PCDH11X: variants seen among roughly 807,000 people sequenced by gnomAD.
PCDH11X encodes protocadherin 11 X-linked.
Under a neutral mutation model 53.3 loss-of-function variants are expected in PCDH11X, and 18 were observed. That is an observed-to-expected ratio of 0.34 (90% confidence interval 0.23 to 0.50). PCDH11X has a LOEUF of 0.50. Among genes scored for constraint, PCDH11X ranks in the 20% least tolerant of loss-of-function variants. PCDH11X has a pLI of 0.98. For missense variants in PCDH11X, 570 were observed against 1,032.4 expected (o/e 0.55, Z 6.14); for synonymous variants, 279 against 393.3 (o/e 0.71, Z 3.44).
chrX:91,793,343 A>G (rs1935622672), intron 1 of PCDH11X, among the ~76,000 whole-genome samples: 2 of 108,776 alleles, frequency 1.8e-5, no homozygotes, highest in Admixed American at 2.0e-4. Flanking sequence ...TTAAGGATAT[A>G]TATTAAATAA....
At chrX:92,282,356 A>G (rs1200128955) in intron 8 of PCDH11X, among the ~76,000 whole-genome samples, 1 of 111,672 alleles carries the variant, frequency 9.0e-6, no homozygotes, top group Non-Finnish European at 1.9e-5. Flanking sequence ...CATAGTTAAT[A>G]TCTTCCAAAA....
chrX:92,142,785 A>T (rs202202535), intron 6 of PCDH11X, among the ~76,000 whole-genome samples: 1 of 106,586 alleles, frequency 9.4e-6, no homozygotes. Context: ...TTAATATTTT[A>T]GTTTGACAAC....
chrX:92,484,259 A>G lies in PCDH11X; in HGVS notation c.3367+15937A>G, dbSNP rs1456791223. Reference sequence around the variant, plus strand: ...TATATATGTATATATGTATATTTATACATATATATGTGTATGTATATATAT... The same window carrying G: ...TATATATGTATATATGTATATTTATGCATATATATGTGTATGTATATATAT... On this transcript the variant is annotated intron_variant, in intron 10 of 10. Transcript: ENST00000682573. Among the ~76,000 whole-genome samples the G allele has an allele frequency of 5.4e-4, 54 of 99,509 alleles. 1 individual carries two copies. Among genetic ancestry groups the G allele is most frequent in the African/African-American group, 1.9e-3 (52 of 27,221 alleles). The allele number at this position is 99,509 out of a possible 115,157, so 86.4% of individuals were successfully genotyped here.
At chrX:92,573,940 A>G (rs1240440572) in intron 10 of PCDH11X, among the ~76,000 whole-genome samples, 2 of 111,051 alleles carry the variant, frequency 1.8e-5, no homozygotes, top group African/African-American at 3.3e-5. Flanking sequence ...GCTGTTAGGT[A>G]TGATTCGTGT....
intron 6 of PCDH11X, among the ~76,000 whole-genome samples, chrX:92,164,445 A>G (rs1250542169): frequency 1.8e-5 from 2 of 112,260 alleles, no homozygotes; most frequent in African/African-American, 6.5e-5. Flanking sequence ...ATTTTGTTGT[A>G]TATTGTTTCA....
At chrX:92,241,925 G>T (rs1014699416) in intron 7 of PCDH11X, among the ~76,000 whole-genome samples, 1 of 110,598 alleles carries the variant, frequency 9.0e-6, no homozygotes, top group African/African-American at 3.3e-5. Context: ...ATTCAGCTCT[G>T]TGCAATTTTA....
intron 6 of PCDH11X, among the ~76,000 whole-genome samples, chrX:91,898,231 A>G (rs1940824059): frequency 9.2e-6 from 1 of 108,790 alleles, no homozygotes; most frequent in Non-Finnish European, 1.9e-5. Flanking sequence ...TATCATACTC[A>G]TTTTAAAGAT....
rs575703247 is a variant in PCDH11X at position 92,343,962 on chromosome X, G to GT, written c.3145-43762dup. Among the ~76,000 whole-genome samples, 1,563 of 103,817 alleles carry GT rather than the reference G, an allele frequency of 0.015. 49 individuals are homozygous for GT. The East Asian group carries it at 0.15, about 10-fold the overall frequency. The allele number at this position is 103,817 out of a possible 115,157, so 90.2% of individuals were successfully genotyped here. ...TTTCTTGAAAGCTGGTTATACAAAC[G>GT]TTTTTTTTTTTCTTGCCCCTGTCTC... On this transcript the variant is annotated intron_variant, in intron 8 of 10. Coordinates refer to ENST00000682573, the MANE Select transcript of PCDH11X (RefSeq NM_032968.5).
In PCDH11X at chrX:92,435,138, G is replaced by A. The variant is rs180928120; in HGVS notation, c.3344-33161G>A. ...TAAAATGATACAGGAGTTGAAAGCC[G>A]AAATAGTGGAATAACAGCAGAATAG... On this transcript the variant is annotated intron_variant, in intron 9 of 10. Coordinates refer to ENST00000682573, the MANE Select transcript of PCDH11X (RefSeq NM_032968.5). Among the ~76,000 whole-genome samples the A allele has an allele frequency of 7.4e-3, 823 of 110,485 alleles. 8 individuals are homozygous for A. Among genetic ancestry groups the A allele is most frequent in the African/African-American group, 0.026 (780 of 30,398 alleles).
chrX:92,024,194 T>A (rs1267976276), intron 6 of PCDH11X, among the ~76,000 whole-genome samples: 1 of 110,512 alleles, frequency 9.0e-6, no homozygotes, highest in African/African-American at 3.3e-5. Flanking sequence ...TAAATAACGG[T>A]ATTCAAATAG....
At chrX:91,827,920 G>T in intron 4 of PCDH11X, among the ~76,000 whole-genome samples, 1 of 106,911 alleles carries the variant, frequency 9.4e-6, no homozygotes, top group Non-Finnish European at 1.9e-5. Flanking sequence ...TTGACTATTT[G>T]GGGTCTTTTT....
chrX:92,436,501 T>G (rs1488809462), intron 9 of PCDH11X, among the ~76,000 whole-genome samples: 2 of 111,444 alleles, frequency 1.8e-5, no homozygotes, highest in African/African-American at 6.5e-5. Flanking sequence ...TAAAAATCAT[T>G]CTAACATAGA....
At chrX:92,609,109 G>A (rs1191742507) in intron 10 of PCDH11X, among the ~76,000 whole-genome samples, 1 of 111,578 alleles carries the variant, frequency 9.0e-6, no homozygotes, top group East Asian at 2.8e-4. Flanking sequence ...GTATTTCAGT[G>A]TATGGCTATG....
intron 6 of PCDH11X, among the ~76,000 whole-genome samples, chrX:91,941,938 C>A (rs1435422791): frequency 1.8e-5 from 2 of 110,099 alleles, no homozygotes; most frequent in Non-Finnish European, 3.8e-5. Flanking sequence ...AACTAAATAG[C>A]ACATTTTTAA....
At chrX:92,460,349 G>A in intron 9 of PCDH11X, 4 of 937,235 alleles carry the variant, frequency 4.3e-6, no homozygotes, top group Non-Finnish European at 6.1e-6. Flanking sequence ...CAGATTGCCA[G>A]CTTTAGGTTG....
At chrX:92,217,087 A>G (rs1048482945) in intron 7 of PCDH11X, among the ~76,000 whole-genome samples, 3 of 111,519 alleles carry the variant, frequency 2.7e-5, no homozygotes, top group African/African-American at 9.8e-5. Context: ...GGTACCAGCC[A>G]CTGCAAAATC....
intron 6 of PCDH11X, among the ~76,000 whole-genome samples, chrX:92,052,656 G>A (rs1467731621): frequency 1.4e-5 from 1 of 72,380 alleles, no homozygotes; most frequent in Non-Finnish European, 2.6e-5. Flanking sequence ...TAATCTGGTA[G>A]GTGGGATTAA....
At chrX:92,464,194 A>T (rs1279815379) in intron 9 of PCDH11X, among the ~76,000 whole-genome samples, 3 of 111,447 alleles carry the variant, frequency 2.7e-5, no homozygotes, top group Non-Finnish European at 3.8e-5. Flanking sequence ...TTTCACTGCA[A>T]ATAAGATGCT....
rs185581735 is a variant in PCDH11X, at chrX:92,022,331, C to T, written c.3033+143058C>T. On this transcript the variant is annotated intron_variant, in intron 6 of 10. Transcript: ENST00000682573. The stretch of plus-strand genomic sequence containing the variant: ...AAATAAAGGGAGGGAGGAAAATTTA[C>T]CAAGCAAATGGAAAGCAACAACAAC... 1.2e-3 allele frequency among the ~76,000 whole-genome samples: 135 copies of T among 108,547 alleles called. 2 individuals are homozygous for T. Among genetic ancestry groups the T allele is most frequent in the Middle Eastern group, 4.8e-3 (1 of 210 alleles). The allele number at this position is 108,547 out of a possible 115,157, so 94.3% of individuals were successfully genotyped here. A position where few individuals can be genotyped will look rare whatever the true frequency, so the allele number is the denominator to read the frequency against.
Sources: gnomAD v4.1 joint callset for allele counts (sites outside exome capture counted in the v4.1 genomes callset) on GRCh38, gnomAD v4.1.1 for gene constraint, MANE v1.5 for transcripts, NCBI Gene and HGNC (gene_info 2026-07-23, HGNC 2026-07-21) for gene names.